The following RASA2 variants were observed in gnomAD, a reference collection of about 807,000 sequenced individuals.
RASA2 encodes the protein RAS p21 protein activator 2, also known as ras GTPase-activating protein 2.
RASA2 carries 155 observed loss-of-function variants against 118.2 expected under a neutral mutation model. That is an observed-to-expected ratio of 1.31 (90% CI 1.15 to 1.50). The LOEUF (loss-of-function observed/expected upper bound fraction) is 1.50, where lower values mean the gene tolerates loss of function less well. RASA2 is among the 40% of genes most tolerant of loss of function. RASA2 has a pLI of 0.00. For missense variants in RASA2, 1,016 were observed against 1,009.6 expected, an observed-to-expected ratio of 1.01 and a Z score of -0.09; for synonymous variants, 353 against 349.1, an observed-to-expected ratio of 1.01 and a Z score of -0.12.
chr3:141,599,272 G>A (rs1273801962), intron 19 of RASA2, among the ~76,000 whole-genome samples: 13 of 130,726 alleles, frequency 9.9e-5, no homozygotes, highest in Non-Finnish European at 2.0e-4. Context: ...TTTATAAAGT[G>A]TAATTTTATT....
rs368962062 is a variant in RASA2, at chr3:141,560,014, A to C, written c.863+19A>C. The C allele has an allele frequency of 6.4e-7, 1 of 1,566,702 alleles. No individual in the cohort carries two copies. The highest frequency in any genetic ancestry group is 8.8e-7 in the Non-Finnish European group (1 of 1,137,740). ...AAGCCTGGTAAGGGCCCAGCATTTTAGTGAACTCCATAGTTTAATTCTCTT... is the reference window on the plus strand; with the variant it reads ...AAGCCTGGTAAGGGCCCAGCATTTTCGTGAACTCCATAGTTTAATTCTCTT... On this transcript the variant is annotated intron_variant, in intron 9 of 23. Coordinates refer to ENST00000286364, the MANE Select transcript of RASA2 (RefSeq NM_006506.5).
intron 19 of RASA2, among the ~76,000 whole-genome samples, chr3:141,605,655 C>T (rs62282010): frequency 4.6e-5 from 7 of 151,952 alleles, no homozygotes; most frequent in Non-Finnish European, 1.0e-4. Flanking sequence ...ACATAGGTCT[C>T]TTCCCCCCCA....
At chr3:141,500,800 A>G (rs1383614312) in intron 1 of RASA2, among the ~76,000 whole-genome samples, 1 of 152,244 alleles carries the variant, frequency 6.6e-6, no homozygotes, top group Non-Finnish European at 1.5e-5. Context: ...TGAAAGCATT[A>G]GAAATCAGTG....
chr3:141,580,961 C>T, intron 16 of RASA2, 139 bp from the exon 17 acceptor site: 1 of 870,516 alleles, frequency 1.1e-6, no homozygotes, highest in Non-Finnish European at 1.6e-6. Flanking sequence ...TGAAAGAAGT[C>T]TTCCACTCCA....
intron 1 of RASA2, among the ~76,000 whole-genome samples, chr3:141,489,492 G>C (rs904027997): frequency 6.6e-6 from 1 of 152,190 alleles, no homozygotes; most frequent in East Asian, 1.9e-4. Flanking sequence ...GGGTGTAACC[G>C]TGTCAGCTTT....
Position 141,608,544 on chromosome 3 carries a change from T to G in RASA2, c.2072T>G (p.Val691Gly). The change falls in exon 21 of 24, where the codon GTA (valine) becomes GGA (glycine). Residue 691 changes from valine to glycine, a missense_variant. By Grantham distance (109) the Val-to-Gly change is moderately radical. Coordinates refer to ENST00000286364, the MANE Select transcript of RASA2 (RefSeq NM_006506.5). ...CTCTATGTCCAGGCAAATAACTGTGTAGAAGCTAATGAATGGATAGACGTA... is the reference window on the plus strand; with the variant it reads ...CTCTATGTCCAGGCAAATAACTGTGGAGAAGCTAATGAATGGATAGACGTA... ...KPLYVQANNC[V>G]EANEWIDVLC... The G allele has an allele frequency of 6.2e-7, 1 of 1,613,994 alleles. No homozygotes were observed. Among genetic ancestry groups the G allele is most frequent in the Non-Finnish European group, 8.5e-7 (1 of 1,179,914 alleles).
At chr3:141,534,657 T>C (rs1193512287) in intron 4 of RASA2, among the ~76,000 whole-genome samples, 1 of 152,122 alleles carries the variant, frequency 6.6e-6, no homozygotes, top group Non-Finnish European at 1.5e-5. Context: ...ATGCAATGAT[T>C]ATAGCTAATA....
At chr3:141,490,032 T>G (rs1206895721) in intron 1 of RASA2, among the ~76,000 whole-genome samples, 1 of 150,518 alleles carries the variant, frequency 6.6e-6, no homozygotes, top group Non-Finnish European at 1.5e-5. Flanking sequence ...ATGTTTCAGG[T>G]GTTTTATATG....
At chr3:141,602,790 T>C (rs1379804515) in intron 19 of RASA2, among the ~76,000 whole-genome samples, 1 of 152,210 alleles carries the variant, frequency 6.6e-6, no homozygotes, top group African/African-American at 2.4e-5. Flanking sequence ...ATCTGAGCTG[T>C]GTGTGGATTA....
At chr3:141,555,370 G>A (rs995759799) in intron 6 of RASA2, among the ~76,000 whole-genome samples, 25 of 152,152 alleles carry the variant, frequency 1.6e-4, no homozygotes, top group Admixed American at 1.4e-3. Flanking sequence ...TTCCTTATGC[G>A]TTTTTTGTGA....
intron 19 of RASA2, among the ~76,000 whole-genome samples, chr3:141,598,704 G>A (rs1021489210): frequency 5.9e-5 from 9 of 152,076 alleles, no homozygotes; most frequent in African/African-American, 2.2e-4. Context: ...TCTACAAGTT[G>A]CAAACTGTTA....
chr3:141,584,700 T>C (rs956533386), intron 17 of RASA2, among the ~76,000 whole-genome samples: 1 of 152,206 alleles, frequency 6.6e-6, no homozygotes, highest in African/African-American at 2.4e-5. Flanking sequence ...ACATAAGGTC[T>C]CTGCCACTTA....
intron 1 of RASA2, among the ~76,000 whole-genome samples, chr3:141,493,537 T>C (rs940624401): frequency 7.2e-5 from 11 of 152,290 alleles, no homozygotes; most frequent in Admixed American, 1.3e-4. Flanking sequence ...GATAGTGAAT[T>C]TCTGCTTTTG....
At chr3:141,511,628 C>T (rs1370508337) in intron 1 of RASA2, among the ~76,000 whole-genome samples, 1 of 152,038 alleles carries the variant, frequency 6.6e-6, no homozygotes, top group Non-Finnish European at 1.5e-5. Flanking sequence ...TCAGCTAGAG[C>T]AGTTTTAGTG....
chr3:141,537,432 G>C (rs1328563005), intron 4 of RASA2, among the ~76,000 whole-genome samples: 2 of 151,996 alleles, frequency 1.3e-5, no homozygotes, highest in Non-Finnish European at 2.9e-5. Flanking sequence ...ATAGTTTCCA[G>C]GTATCTGCTG....
chr3:141,496,299 A>G (rs1424050683), intron 1 of RASA2, among the ~76,000 whole-genome samples: 5 of 152,242 alleles, frequency 3.3e-5, no homozygotes, highest in African/African-American at 9.6e-5. Context: ...AATGGCAACA[A>G]AAGCCAAAAT....
intron 23 of RASA2, among the ~76,000 whole-genome samples, chr3:141,610,316 AT>A (rs2083618401): frequency 7.1e-6 from 1 of 141,372 alleles, no homozygotes; most frequent in Non-Finnish European, 1.5e-5. Context: ...ATTATATATG[AT>A]ATATGTATAT....
At chr3:141,530,894 G>A (rs901477612) in intron 4 of RASA2, among the ~76,000 whole-genome samples, 9 of 152,112 alleles carry the variant, frequency 5.9e-5, no homozygotes, top group Non-Finnish European at 1.2e-4. Context: ...GAAGTGGAAA[G>A]TGTTTAAATT....
intron 3 of RASA2, among the ~76,000 whole-genome samples, chr3:141,517,592 T>C (rs931659694): frequency 2.0e-5 from 3 of 152,198 alleles, no homozygotes; most frequent in Non-Finnish European, 4.4e-5. Context: ...ACAGTGGGAT[T>C]ACAGTTTGCC....
Sources: gnomAD v4.1 joint callset for allele counts (sites outside exome capture counted in the v4.1 genomes callset) on GRCh38, gnomAD v4.1.1 for gene constraint, MANE v1.5 for transcripts, NCBI Gene and HGNC (gene_info 2026-07-23, HGNC 2026-07-21) for gene names.